Variants in FNDC3A observed in about 807,000 individuals in gnomAD.
FNDC3A encodes the protein fibronectin type III domain containing 3A.
In FNDC3A, 32 loss-of-function variants were observed where a neutral mutation model predicts 148.9. That is an observed-to-expected ratio of 0.21 (90% CI 0.16 to 0.29). The LOEUF (loss-of-function observed/expected upper bound fraction) is 0.29. FNDC3A is among the 10% of genes least tolerant of loss of function. The probability of loss-of-function intolerance (pLI) is 1.00; values close to 1 mark genes in which losing one functional copy is unlikely to be tolerated. For missense variants in FNDC3A, 1,191 were observed against 1,452.8 expected (o/e 0.82, Z 2.93); for synonymous variants, 472 against 473.6 (o/e 1.00, Z 0.04).
At chr13:49,070,885 T>TC (rs1416713053) in intron 2 of FNDC3A, among the ~76,000 whole-genome samples, 3 of 144,272 alleles carry the variant, frequency 2.1e-5, no homozygotes, top group African/African-American at 5.1e-5. Context: ...GGATTTCTTT[T>TC]TTTTTTTTGT....
At chr13:48,997,044 CAA>C (rs1468061347) in intron 1 of FNDC3A, among the ~76,000 whole-genome samples, 12 of 145,868 alleles carry the variant, frequency 8.2e-5, no homozygotes, top group Non-Finnish European at 1.6e-4. Flanking sequence ...GCTTGGGTAA[CAA>C]GAGCGAGACT....
chr13:49,142,538 A>G (rs977064550), intron 7 of FNDC3A, among the ~76,000 whole-genome samples: 13 of 152,168 alleles, frequency 8.5e-5, no homozygotes, highest in African/African-American at 2.7e-4. Flanking sequence ...CAGTCTTCAC[A>G]CAGGAATTTT....
chr13:49,149,484 A>G (rs1162309323), intron 8 of FNDC3A, among the ~76,000 whole-genome samples: 2 of 152,070 alleles, frequency 1.3e-5, no homozygotes, highest in African/African-American at 4.8e-5. Flanking sequence ...TTATGTTGAT[A>G]TGGTGTATCA....
intron 4 of FNDC3A, among the ~76,000 whole-genome samples, chr13:49,115,035 AC>A (rs1164446954): frequency 6.6e-6 from 1 of 152,204 alleles, no homozygotes; most frequent in East Asian, 1.9e-4. Flanking sequence ...AAAGGTGCCT[AC>A]ACTGACATTT....
intron 2 of FNDC3A, among the ~76,000 whole-genome samples, chr13:49,059,226 A>G (rs1425434286): frequency 6.6e-6 from 1 of 152,214 alleles, no homozygotes; most frequent in East Asian, 1.9e-4. Context: ...ACTTAAATGG[A>G]TCAGCAACCT....
Position 49,208,334 on chromosome 13 carries a change from A to T in FNDC3A, c.*939A>T, listed in dbSNP as rs1886747989. 1 of 152,672 alleles carries T rather than the reference A, an allele frequency of 6.5e-6. No homozygotes were observed. Among genetic ancestry groups the T allele is most frequent in the Admixed American group, 6.5e-5 (1 of 15,290 alleles). 9.5% of individuals were successfully genotyped at this position (152,672 alleles called of 1,614,324 possible). ...TCTGTCTGGTATAGGCTAATTTTGA[A>T]GAACTCCCATAAGTTTCTGCTGCTT... On this transcript the variant is annotated 3_prime_UTR_variant, in exon 26 of 26. Transcript: ENST00000492622.
intron 3 of FNDC3A, among the ~76,000 whole-genome samples, chr13:49,087,599 A>G (rs1227999105): frequency 6.6e-6 from 1 of 152,144 alleles, no homozygotes; most frequent in Non-Finnish European, 1.5e-5. Flanking sequence ...TAAAGACAAG[A>G]AAAATGAATT....
intron 2 of FNDC3A, among the ~76,000 whole-genome samples, chr13:49,054,573 C>G (rs1409399954): frequency 6.6e-6 from 1 of 152,248 alleles, no homozygotes; most frequent in Admixed American, 6.5e-5. Context: ...TTTCTGCACT[C>G]TCACCTTTCT....
intron 2 of FNDC3A, among the ~76,000 whole-genome samples, chr13:49,012,805 A>ATTGTGTG (rs1555277951): frequency 3.7e-5 from 5 of 134,524 alleles, no homozygotes; most frequent in East Asian, 2.2e-4. Flanking sequence ...GCAATTATAA[A>ATTGTGTG]TGTGTGTGTG....
intron 8 of FNDC3A, among the ~76,000 whole-genome samples, chr13:49,152,968 G>T (rs958863003): frequency 1.3e-5 from 2 of 149,622 alleles, no homozygotes; most frequent in Non-Finnish European, 3.0e-5. Context: ...GAATAATGCC[G>T]CAGTAAACAT....
At chr13:49,049,951 C>T (rs182392863) in intron 2 of FNDC3A, among the ~76,000 whole-genome samples, 41 of 152,290 alleles carry the variant, frequency 2.7e-4, no homozygotes, top group African/African-American at 7.9e-4. Flanking sequence ...AACTCCTGAC[C>T]TCAGGTGATC....
rs200075982 is a variant in FNDC3A at position 49,073,772 on chromosome 13, A to AT, written c.100-1517_100-1516insT. Among the ~76,000 whole-genome samples the AT allele has an allele frequency of 1.3e-3, 186 of 144,756 alleles. 1 individual carries two copies. The highest frequency in any genetic ancestry group is 4.5e-3 in the African/African-American group (173 of 38,778). 95.0% of individuals were successfully genotyped at this position (144,756 alleles called of 152,430 possible). On this transcript the variant is annotated intron_variant, in intron 2 of 25. Transcript: ENST00000492622. ...GTGTATATATAATATATATGTATAT[A>AT]ATATATATGTGTATATATTATATAT...
At chr13:49,171,971 T>C (rs1884777219) in intron 10 of FNDC3A, 72 bp from the exon 11 acceptor site, 3 of 1,030,464 alleles carry the variant, frequency 2.9e-6, no homozygotes, top group South Asian at 1.5e-5. Flanking sequence ...TAGATCCTTA[T>C]ATTAGATCAT....
At chr13:49,204,083 G>T (rs779860800) in intron 25 of FNDC3A, among the ~76,000 whole-genome samples, 1 of 152,128 alleles carries the variant, frequency 6.6e-6, no homozygotes, top group Admixed American at 6.5e-5. Context: ...TACAATAATA[G>T]TATTAATAAT....
chr13:49,129,753 T>A (rs1881917710), intron 4 of FNDC3A, among the ~76,000 whole-genome samples: 1 of 152,226 alleles, frequency 6.6e-6, no homozygotes, highest in South Asian at 2.1e-4. Context: ...TTAATTCATT[T>A]GGTCATCTAG....
intron 4 of FNDC3A, among the ~76,000 whole-genome samples, chr13:49,121,641 C>T (rs1881352245): frequency 6.6e-6 from 1 of 151,888 alleles, no homozygotes; most frequent in Admixed American, 6.6e-5. Flanking sequence ...ACCAAATAGA[C>T]ACAATAAAAA....
chr13:49,014,168 G>A (rs1397648711), intron 2 of FNDC3A, among the ~76,000 whole-genome samples: 6 of 128,058 alleles, frequency 4.7e-5, no homozygotes, highest in South Asian at 3.0e-4. Flanking sequence ...CTGAGGAATC[G>A]CCACACTGAC....
chr13:49,018,589 T>C (rs1593477780), intron 2 of FNDC3A, among the ~76,000 whole-genome samples: 1 of 152,306 alleles, frequency 6.6e-6, no homozygotes, highest in African/African-American at 2.4e-5. Flanking sequence ...TCTGAAGCCT[T>C]CTTCTCTCAG....
chr13:49,058,921 A>G (rs879820796), intron 2 of FNDC3A, among the ~76,000 whole-genome samples: 1 of 152,210 alleles, frequency 6.6e-6, no homozygotes, highest in Non-Finnish European at 1.5e-5. Flanking sequence ...TACTGCTGTC[A>G]GAGCCATCTT....
Sources: gnomAD v4.1 joint callset for allele counts (sites outside exome capture counted in the v4.1 genomes callset) on GRCh38, gnomAD v4.1.1 for gene constraint, MANE v1.5 for transcripts, NCBI Gene and HGNC (gene_info 2026-07-23, HGNC 2026-07-21) for gene names.